TTLL1: variants seen among roughly 807,000 people sequenced by gnomAD.
TTLL1 encodes polyglutamylase complex subunit TTLL1.
A neutral mutation model predicts 47.8 loss-of-function variants in TTLL1; 33 were observed. The observed-to-expected ratio is 0.69, with a 90% CI of 0.52 to 0.92. The LOEUF is 0.92. TTLL1 is among the 40% of genes least tolerant of loss of function. The pLI is 0.00. For synonymous variants in TTLL1, 225 were observed against 214.1 expected (o/e 1.05, Z -0.45); for missense variants, 488 against 547.5 (o/e 0.89, Z 1.08).
chr22:43,070,754 C>T (rs1004892852), intron 3 of TTLL1, among the ~76,000 whole-genome samples: 1 of 152,188 alleles, frequency 6.6e-6, no homozygotes, highest in Non-Finnish European at 1.5e-5. Context: ...CCTCCACCCC[C>T]CTCAGCACTG....
chr22:43,064,594 T>C (rs1927610345), intron 5 of TTLL1, among the ~76,000 whole-genome samples: 2 of 151,602 alleles, frequency 1.3e-5, no homozygotes, highest in African/African-American at 4.8e-5. Context: ...GGTGTGGTGG[T>C]GTGTGCCTGT....
In TTLL1 at chr22:43,069,788, G is replaced by A. The variant is rs1927994300; in HGVS notation, c.170C>T (p.Ser57Leu). ...AAAATGGTTGACTATTTGGTCATCT[G>A]AGAGCCGATATCCAGCTTCAACGCT... ...VFSVEAGYRL[S>L]DDQIVNHFPN... is the part of the protein sequence containing the mutation. The change falls in exon 4 of 11, where the codon TCA (serine) becomes TTA (leucine). Residue 57 changes from serine (S) to leucine (L), a missense_variant. By Grantham distance (145) the Ser-to-Leu change is moderately radical. Coordinates refer to ENST00000266254, the MANE Select transcript of TTLL1 (RefSeq NM_012263.5). 6.2e-7 allele frequency: 1 copy of A among 1,614,230 alleles called. No homozygotes were observed. The highest frequency in any genetic ancestry group is 1.3e-5 in the African/African-American group (1 of 75,068).
intron 1 of TTLL1, among the ~76,000 whole-genome samples, chr22:43,080,330 T>C (rs558177568): frequency 2.0e-5 from 3 of 152,188 alleles, no homozygotes; most frequent in East Asian, 3.9e-4. Flanking sequence ...GCTGGATTTA[T>C]AGGCGTGAGC....
chr22:43,073,359 ATTTAT>A (rs1569441675), intron 3 of TTLL1, among the ~76,000 whole-genome samples: 483 of 110,078 alleles, frequency 4.4e-3, no homozygotes, highest in African/African-American at 0.019. Flanking sequence ...TTATTTATTT[ATTTAT>A]TTTATTTTTT....
intron 3 of TTLL1, among the ~76,000 whole-genome samples, chr22:43,073,813 T>TTTTA (rs1231408737): frequency 3.3e-5 from 5 of 150,832 alleles, no homozygotes; most frequent in East Asian, 3.9e-4. Flanking sequence ...AGCTCTTCTT[T>TTTTA]TTTATTTATT....
chr22:43,054,781 A>AGT (rs1926888592), intron 8 of TTLL1, among the ~76,000 whole-genome samples: 2 of 136,482 alleles, frequency 1.5e-5, no homozygotes, highest in South Asian at 4.8e-4. Context: ...GCTGGAGTGC[A>AGT]GTGGCGCAAT....
chr22:43,061,870 G>A lies in TTLL1; in HGVS notation c.747+1943C>T, dbSNP rs141030420. Among the ~76,000 whole-genome samples the A allele has an allele frequency of 2.0e-3, 302 of 152,280 alleles. 2 individuals are homozygous for A. Among genetic ancestry groups the A allele is most frequent in the Middle Eastern group, 6.8e-3 (2 of 294 alleles). On this transcript the variant is annotated intron_variant, in intron 7 of 10. Transcript: ENST00000266254. The stretch of plus-strand genomic sequence containing the variant: ...TATCCCTACTCATGCTTCAGATCTC[G>A]GCTCCAGCACCGCTTTGCAGGGAAG...
At chr22:43,063,968 GAA>G (rs1276687933) in intron 6 of TTLL1, 47 bp from the exon 7 acceptor site, 7 of 1,579,836 alleles carry the variant, frequency 4.4e-6, no homozygotes, top group Non-Finnish European at 5.2e-6. Context: ...GAAACAAAAA[GAA>G]AAGACACCAC....
rs113402205 is a variant in TTLL1 at position 43,057,950 on chromosome 22, A to T, written c.891+1434T>A. On this transcript the variant is annotated intron_variant, in intron 8 of 10. Transcript: ENST00000266254. ...AAGCACTGGAAATATATATATATAT[A>T]TATTTTTTTTTTTCTAGACAGTCTC... Among the ~76,000 whole-genome samples the T allele has an allele frequency of 5.2e-3, 645 of 124,584 alleles. 3 individuals carry two copies. The highest frequency in any genetic ancestry group is 0.013 in the African/African-American group (381 of 30,208). The allele number at this position is 124,584 out of a possible 152,430, so 81.7% of individuals were successfully genotyped here. A position where few individuals can be genotyped will look rare whatever the true frequency, so the allele number is the denominator to read the frequency against.
At chr22:43,083,298 G>T (rs566839590) in intron 1 of TTLL1, among the ~76,000 whole-genome samples, 1 of 152,150 alleles carries the variant, frequency 6.6e-6, no homozygotes, top group Non-Finnish European at 1.5e-5. Context: ...GAACCTGGGA[G>T]GTAGAGCTTG....
chr22:43,078,692 A>C (rs1195970617), intron 2 of TTLL1, among the ~76,000 whole-genome samples: 3 of 152,050 alleles, frequency 2.0e-5, no homozygotes, highest in Admixed American at 2.0e-4. Flanking sequence ...AGGGTCAATG[A>C]GCAATAAACA....
Position 43,059,546 on chromosome 22 carries a change from G to A in TTLL1, c.748-19C>T. On this transcript the variant is annotated intron_variant, in intron 7 of 10. Coordinates refer to ENST00000266254, the MANE Select transcript of TTLL1 (RefSeq NM_012263.5). ...AGTCCTCCTGGTGACGGGAAAGCGG[G>A]CAGGCATCCCTCAGGCTATGCACCC... 6.2e-7 allele frequency: 1 copy of A among 1,607,082 alleles called. No individual in the cohort carries two copies.
At chr22:43,046,676 A>T in intron 9 of TTLL1, 103 bp from the exon 10 acceptor site, 1 of 1,389,480 alleles carries the variant, frequency 7.2e-7, no homozygotes, top group Non-Finnish European at 9.8e-7. Flanking sequence ...ACTTTAGTGA[A>T]GTTTTTTTTT....
chr22:43,072,154 C>CT (rs60673775), intron 3 of TTLL1, among the ~76,000 whole-genome samples: 26,308 of 138,724 alleles, frequency 0.19, 2,810 homozygotes, highest in East Asian at 0.4. Flanking sequence ...TTTTCTTTTT[C>CT]TTTTTTTTTT....
chr22:43,056,766 C>G (rs762822892), intron 8 of TTLL1, among the ~76,000 whole-genome samples: 56 of 151,908 alleles, frequency 3.7e-4, no homozygotes, highest in Non-Finnish European at 5.3e-4. Flanking sequence ...GCCTGGGTGA[C>G]AGAGAGAGAC....
At chr22:43,060,116 C>T (rs932267054) in intron 7 of TTLL1, among the ~76,000 whole-genome samples, 4 of 152,172 alleles carry the variant, frequency 2.6e-5, no homozygotes, top group Admixed American at 6.6e-5. Context: ...TGAGCCACCG[C>T]GCTTGGCCTT....
chr22:43,053,523 C>T (rs562024484), intron 8 of TTLL1, among the ~76,000 whole-genome samples: 1 of 152,348 alleles, frequency 6.6e-6, no homozygotes, highest in South Asian at 2.1e-4. Flanking sequence ...CAGCCCTGAG[C>T]AGGCTGCCTG....
chr22:43,046,452 T>C lies in TTLL1; in HGVS notation c.1100A>G (p.Asn367Ser). The C allele has an allele frequency of 5.0e-6, 8 of 1,614,110 alleles. No individual in the cohort carries two copies. Among genetic ancestry groups the C allele is most frequent in the African/African-American group, 1.3e-5 (1 of 75,032 alleles). ...GAGGACTTCCTTAGGTGGCGACTTG[T>C]TCCATTTGCAGTCTGGGATTTCACC... Reference protein sequence around the residue: ...PNGEIPDCKWNKSPPKEVLGN... With the variant: ...PNGEIPDCKWSKSPPKEVLGN... The change falls in exon 10 of 11, where the codon AAC (asparagine) becomes AGC (serine). Residue 367 changes from asparagine to serine, a missense_variant. Asn to Ser is a conservative substitution (Grantham distance 46, BLOSUM62 1). Coordinates refer to ENST00000266254, the MANE Select transcript of TTLL1 (RefSeq NM_012263.5).
intron 2 of TTLL1, among the ~76,000 whole-genome samples, chr22:43,079,171 T>C (rs1928711797): frequency 9.6e-6 from 1 of 104,300 alleles, no homozygotes; most frequent in African/African-American, 3.6e-5. Context: ...CCTACACCCC[T>C]CACACCCACA....
Sources: allele counts gnomAD v4.1 joint callset (sites outside exome capture counted in the v4.1 genomes callset), GRCh38; gene constraint gnomAD v4.1.1; transcripts MANE v1.5; gene names NCBI Gene and HGNC (gene_info 2026-07-23, HGNC 2026-07-21).